The following MGAT5 variants were observed in gnomAD, a reference collection of about 807,000 sequenced individuals.
MGAT5 encodes the protein alpha-1,6-mannosylglycoprotein 6-beta-N-acetylglucosaminyltransferase A.
In MGAT5, 30 loss-of-function variants were observed where a neutral mutation model predicts 94.3. The observed-to-expected ratio is 0.32, with a 90% CI of 0.24 to 0.43. The LOEUF (loss-of-function observed/expected upper bound fraction) is 0.43. Among genes scored for constraint, MGAT5 ranks in the 20% least tolerant of loss-of-function variants. The probability of loss-of-function intolerance (pLI) is 1.00; values close to 1 mark genes in which losing one functional copy is unlikely to be tolerated. For synonymous variants in MGAT5, 310 were observed against 322.9 expected (o/e 0.96, Z 0.43); for missense variants, 691 against 905.5 (o/e 0.76, Z 3.04).
At chr2:134,299,833 C>G (rs1685909908) in intron 2 of MGAT5, among the ~76,000 whole-genome samples, 1 of 152,164 alleles carries the variant, frequency 6.6e-6, no homozygotes, top group African/African-American at 2.4e-5. Flanking sequence ...AGCAAACACC[C>G]ACCCTTGGAT....
At chr2:134,275,578 C>CTTT (rs11409592) in intron 2 of MGAT5, among the ~76,000 whole-genome samples, 1,998 of 79,588 alleles carry the variant, frequency 0.025, 164 homozygotes, top group African/African-American at 0.11. Flanking sequence ...GTGCTATTTC[C>CTTT]TTTTTTTTTT....
At chr2:134,357,699 T>TTA (rs1211636496) in intron 9 of MGAT5, among the ~76,000 whole-genome samples, 1 of 152,202 alleles carries the variant, frequency 6.6e-6, no homozygotes, top group Admixed American at 6.5e-5. Context: ...TTCAGGAGTG[T>TTA]TACTCTTCTA....
At chr2:134,120,808 G>C (rs114573328) in intron 1 of MGAT5, among the ~76,000 whole-genome samples, 5,852 of 151,934 alleles carry the variant, frequency 0.039, 310 homozygotes, top group African/African-American at 0.12. Context: ...AAGGAGGGAG[G>C]CTGGCCCCGA....
intron 1 of MGAT5, among the ~76,000 whole-genome samples, chr2:134,201,473 G>A (rs1380345564): frequency 1.3e-5 from 2 of 152,104 alleles, no homozygotes; most frequent in African/African-American, 4.8e-5. Flanking sequence ...AGGGAAGATG[G>A]GATAATGGGG....
chr2:134,400,061 G>A (rs1213329498), intron 10 of MGAT5, among the ~76,000 whole-genome samples: 1 of 152,198 alleles, frequency 6.6e-6, no homozygotes, highest in Non-Finnish European at 1.5e-5. Flanking sequence ...GAGAAGAGGA[G>A]ACCAATTTGA....
chr2:134,169,038 G>A (rs561858844), intron 1 of MGAT5, among the ~76,000 whole-genome samples: 4 of 152,278 alleles, frequency 2.6e-5, no homozygotes, highest in Non-Finnish European at 5.9e-5. Context: ...GATCCTGGGT[G>A]GGCACCACAC....
At position 134,432,273 on chromosome 2, in the gene MGAT5, C is replaced by T. The variant is rs530344288; in HGVS notation, c.1869+3834C>T. The stretch of plus-strand genomic sequence containing the variant: ...CTGTAAAGACACTGTAAATATATAG[C>T]ATGGTCACAGTCATGTTAATTTGTA... On this transcript the variant is annotated intron_variant, in intron 14 of 15. Coordinates refer to ENST00000281923, the MANE Select transcript of MGAT5 (RefSeq NM_002410.5). Among the ~76,000 whole-genome samples, 93 of 152,300 alleles carry T rather than the reference C, an allele frequency of 6.1e-4. 1 individual carries two copies. Among genetic ancestry groups the T allele is most frequent in the African/African-American group, 2.1e-3 (88 of 41,556 alleles).
intron 12 of MGAT5, among the ~76,000 whole-genome samples, chr2:134,421,850 CAG>C (rs140462710): frequency 0.019 from 2,826 of 152,120 alleles, 92 homozygotes; most frequent in African/African-American, 0.065. Context: ...GAAACAAAAT[CAG>C]GGGATAAATT....
At chr2:134,362,439 G>C in intron 10 of MGAT5, 31 bp downstream of exon 10, 7 of 1,603,138 alleles carry the variant, frequency 4.4e-6, no homozygotes, top group Non-Finnish European at 6.0e-6. Flanking sequence ...CTCTCTCTCT[G>C]AAAAGAAGCT....
intron 8 of MGAT5, among the ~76,000 whole-genome samples, chr2:134,346,780 T>A: frequency 6.6e-6 from 1 of 152,186 alleles, no homozygotes. Context: ...AGTATTCTGC[T>A]AGGTACTGCA....
At chr2:134,142,425 A>G (rs1406132212) in intron 1 of MGAT5, among the ~76,000 whole-genome samples, 1 of 152,206 alleles carries the variant, frequency 6.6e-6, no homozygotes, top group African/African-American at 2.4e-5. Context: ...CATTTTGACC[A>G]TAGTGACAAC....
chr2:134,318,559 C>T (rs1465009243), intron 3 of MGAT5, 91 bp from the exon 4 acceptor site: 1 of 955,876 alleles, frequency 1.0e-6, no homozygotes, highest in Non-Finnish European at 1.7e-6. Flanking sequence ...GAGCCATTCA[C>T]TCCATCTTCA....
At chr2:134,185,616 G>A (rs1010624364) in intron 1 of MGAT5, among the ~76,000 whole-genome samples, 1 of 152,094 alleles carries the variant, frequency 6.6e-6, no homozygotes, top group African/African-American at 2.4e-5. Flanking sequence ...ACTGATTCAG[G>A]TACTGGGCCC....
intron 4 of MGAT5, among the ~76,000 whole-genome samples, chr2:134,326,471 T>C (rs1423576818): frequency 6.6e-6 from 1 of 152,044 alleles, no homozygotes; most frequent in Non-Finnish European, 1.5e-5. Context: ...TCCAGATTCA[T>C]CTCATACAGT....
At chr2:134,290,317 G>A (rs3814023) in intron 2 of MGAT5, among the ~76,000 whole-genome samples, 4,074 of 152,258 alleles carry the variant, frequency 0.027, 173 homozygotes, top group East Asian at 0.1. Context: ...AAATTACTCC[G>A]TTGATGTTGC....
intron 14 of MGAT5, among the ~76,000 whole-genome samples, chr2:134,435,694 C>T (rs1046651713): frequency 1.3e-5 from 2 of 152,160 alleles, no homozygotes; most frequent in African/African-American, 4.8e-5. Flanking sequence ...GCATGTTATA[C>T]ATTATGATTA....
chr2:134,302,450 A>G (rs771742809), intron 2 of MGAT5, among the ~76,000 whole-genome samples: 1 of 152,118 alleles, frequency 6.6e-6, no homozygotes, highest in East Asian at 1.9e-4. Context: ...GAAGAGAAGG[A>G]AAACACTATA....
chr2:134,198,041 G>C (rs1225789777), intron 1 of MGAT5, among the ~76,000 whole-genome samples: 4 of 152,166 alleles, frequency 2.6e-5, no homozygotes, highest in Non-Finnish European at 4.4e-5. Context: ...AGCTTTGGGG[G>C]AGCAATAAGG....
intron 1 of MGAT5, among the ~76,000 whole-genome samples, chr2:134,185,660 C>T (rs1457275647): frequency 6.6e-6 from 1 of 152,012 alleles, no homozygotes; most frequent in African/African-American, 2.4e-5. Flanking sequence ...TTTTCAGTTC[C>T]CAGAAAAAGA....
Sources: allele counts gnomAD v4.1 joint callset (sites outside exome capture counted in the v4.1 genomes callset), GRCh38; gene constraint gnomAD v4.1.1; transcripts MANE v1.5; gene names NCBI Gene and HGNC (gene_info 2026-07-23, HGNC 2026-07-21).